The following ARHGAP44 variants were observed in gnomAD, a reference collection of about 807,000 sequenced individuals.
ARHGAP44 encodes the protein Rho GTPase activating protein 44.
Under a neutral mutation model 106.8 loss-of-function variants are expected in ARHGAP44, and 43 were observed. The ratio of observed to expected loss-of-function variants is 0.40; its 90% confidence interval spans 0.32 to 0.52. The LOEUF (loss-of-function observed/expected upper bound fraction) is 0.52, where lower values mean the gene tolerates loss of function less well. Ranked by LOEUF, ARHGAP44 falls within the 20% of genes least tolerant of loss-of-function variation. The probability of loss-of-function intolerance (pLI) is 0.48; values close to 1 mark genes in which losing one functional copy is unlikely to be tolerated. For synonymous variants in ARHGAP44, 439 were observed against 410.3 expected, an observed-to-expected ratio of 1.07 and a Z score of -0.85; for missense variants, 866 against 1,050.5, an observed-to-expected ratio of 0.82 and a Z score of 2.43.
intron 1 of ARHGAP44, among the ~76,000 whole-genome samples, chr17:12,861,962 G>T (rs141552907): frequency 6.6e-6 from 1 of 151,970 alleles, no homozygotes; most frequent in African/African-American, 2.4e-5. Context: ...AGGACCCATG[G>T]GTGACACTGG....
At chr17:12,918,256 A>G (rs1441331983) in intron 5 of ARHGAP44, among the ~76,000 whole-genome samples, 1 of 152,084 alleles carries the variant, frequency 6.6e-6, no homozygotes, top group Non-Finnish European at 1.5e-5. Context: ...GGACAGTTAC[A>G]CTTCTCCTTC....
intron 15 of ARHGAP44, 91 bp downstream of exon 15, chr17:12,956,837 C>T (rs974119086): frequency 2.8e-6 from 3 of 1,070,822 alleles, no homozygotes; most frequent in African/African-American, 3.2e-5. Flanking sequence ...TACCACTGCC[C>T]ACAGGCTTTT....
At chr17:12,967,619 G>C (rs1418138102) in intron 16 of ARHGAP44, among the ~76,000 whole-genome samples, 2 of 152,080 alleles carry the variant, frequency 1.3e-5, no homozygotes, top group Non-Finnish European at 2.9e-5. Context: ...AGGGGGCTTA[G>C]AAGTGAGCAG....
At chr17:12,849,405 A>G (rs1008842080) in intron 1 of ARHGAP44, among the ~76,000 whole-genome samples, 4 of 151,902 alleles carry the variant, frequency 2.6e-5, no homozygotes, top group Non-Finnish European at 5.9e-5. Context: ...TGGTATTTTG[A>G]ATGCTTGACA....
At chr17:12,846,336 A>G (rs991282060) in intron 1 of ARHGAP44, among the ~76,000 whole-genome samples, 10 of 152,184 alleles carry the variant, frequency 6.6e-5, no homozygotes, top group East Asian at 3.9e-4. Context: ...CCCCTGTGCC[A>G]TAGGCAGCCC....
At chr17:12,919,968 G>T in intron 6 of ARHGAP44, 137 bp downstream of exon 6, 1 of 661,312 alleles carries the variant, frequency 1.5e-6, no homozygotes, top group Non-Finnish European at 2.6e-6. Context: ...GGCACTGGAG[G>T]TAGTCACAGT....
chr17:12,915,745 G>T (rs940883461), intron 4 of ARHGAP44, among the ~76,000 whole-genome samples, 155 bp from the exon 5 acceptor site: 2 of 152,220 alleles, frequency 1.3e-5, no homozygotes, highest in African/African-American at 4.8e-5. Context: ...CAGAGAGCTG[G>T]AACAGGTTGG....
chr17:12,957,460 G>GGAT (rs1382449315), intron 15 of ARHGAP44, among the ~76,000 whole-genome samples: 1 of 152,170 alleles, frequency 6.6e-6, no homozygotes, highest in Non-Finnish European at 1.5e-5. Context: ...TTCCTGAGAT[G>GGAT]GATGGGGACT....
Position 12,956,739 on chromosome 17 carries a change from C to T in ARHGAP44, c.1335C>T (p.Phe445=). The T allele has an allele frequency of 6.2e-7, 1 of 1,613,988 alleles. No homozygotes were observed. Among genetic ancestry groups the T allele is most frequent in the Non-Finnish European group, 8.5e-7 (1 of 1,179,910 alleles). The part of the protein sequence containing the change: ...EPIIQHADWF[F]PGEIEFNITG... ...TCATCCAGCATGCAGACTGGTTCTT[C>T]CCTGGGGGTAGGTGACAGCACCTAG... The change falls in exon 15 of 21, where the codon TTC becomes TTT. Residue 445 remains phenylalanine (F), a synonymous_variant. Coordinates refer to ENST00000379672, the MANE Select transcript of ARHGAP44 (RefSeq NM_014859.6).
At chr17:12,924,691 C>G (rs2038183156) in intron 6 of ARHGAP44, among the ~76,000 whole-genome samples, 1 of 152,182 alleles carries the variant, frequency 6.6e-6, no homozygotes, top group Admixed American at 6.5e-5. Context: ...CCCTATTTCA[C>G]TAGGATTGGT....
chr17:12,818,335 G>GAA (rs376432420), intron 1 of ARHGAP44, among the ~76,000 whole-genome samples: 20,183 of 91,564 alleles, frequency 0.22, 1,866 homozygotes, highest in East Asian at 0.3. Context: ...ATCTGGAAAA[G>GAA]AAAAAAAAAA....
intron 1 of ARHGAP44, among the ~76,000 whole-genome samples, chr17:12,859,391 A>T (rs2150863241): frequency 6.6e-6 from 1 of 152,350 alleles, no homozygotes; most frequent in African/African-American, 2.4e-5. Context: ...TATGGCAGCC[A>T]TAGGGAACTA....
chr17:12,928,883 A>G (rs1468997265), intron 6 of ARHGAP44, 46 bp from the exon 7 acceptor site: 1 of 1,524,026 alleles, frequency 6.6e-7, no homozygotes, highest in Non-Finnish European at 9.0e-7. Context: ...TGGGATCCCC[A>G]GGGCTCTACC....
In ARHGAP44 at chr17:12,949,067, C is replaced by G; in HGVS notation, c.862-73C>G. On this transcript the variant is annotated intron_variant, in intron 10 of 20. Coordinates refer to ENST00000379672, the MANE Select transcript of ARHGAP44 (RefSeq NM_014859.6). The surrounding 1 kb of genome is among the most constrained non-coding windows in gnomAD (Gnocchi z 4.1). ...AGAGGTTTTGGAGAAAAGAAGCAGG[C>G]AGTTGCGGGGTCTCTGCGCTTTGAT... is the stretch of plus-strand genomic sequence containing the variant. 1 of 1,371,502 alleles carries G rather than the reference C, an allele frequency of 7.3e-7. No individual in the cohort carries two copies. The highest frequency in any genetic ancestry group is 1.4e-5 in the African/African-American group (1 of 69,678). 85.0% of individuals were successfully genotyped at this position (1,371,502 alleles called of 1,614,324 possible).
chr17:12,949,394 A>T lies in ARHGAP44; in HGVS notation c.973+143A>T. On this transcript the variant is annotated intron_variant, in intron 11 of 20. Coordinates refer to ENST00000379672, the MANE Select transcript of ARHGAP44 (RefSeq NM_014859.6). This position sits in a 1 kb window ranked among gnomAD's most constrained non-coding sequence, Gnocchi z 4.1. ...ATGTGTCCACTCAGTGCCCAGTTTCAGGGCTGGGTGCTCTGGCCCCTTGAA... is the reference window on the plus strand; with the variant it reads ...ATGTGTCCACTCAGTGCCCAGTTTCTGGGCTGGGTGCTCTGGCCCCTTGAA... 1 of 948,114 alleles carries T rather than the reference A, an allele frequency of 1.1e-6. No individual in the cohort carries two copies. Among genetic ancestry groups the T allele is most frequent in the Non-Finnish European group, 1.6e-6 (1 of 637,576 alleles). The allele number at this position is 948,114 out of a possible 1,614,324, so 58.7% of individuals were successfully genotyped here. A position where few individuals can be genotyped will look rare whatever the true frequency, so the allele number is the denominator to read the frequency against.
chr17:12,891,604 T>C (rs1244243705), intron 1 of ARHGAP44, among the ~76,000 whole-genome samples: 11 of 152,156 alleles, frequency 7.2e-5, no homozygotes, highest in African/African-American at 2.7e-4. Flanking sequence ...CACTGCTGCA[T>C]TGGAGATCAA....
chr17:12,918,563 A>C (rs989565289), intron 5 of ARHGAP44, among the ~76,000 whole-genome samples: 14 of 152,214 alleles, frequency 9.2e-5, no homozygotes, highest in African/African-American at 3.1e-4. Context: ...CTCGTAGCCG[A>C]GAAAAGCCAT....
intron 16 of ARHGAP44, among the ~76,000 whole-genome samples, chr17:12,961,603 G>A (rs375455114): frequency 3.9e-5 from 6 of 152,108 alleles, no homozygotes; most frequent in African/African-American, 7.2e-5. Flanking sequence ...GTATGATGGC[G>A]CATGCCTGTA....
intron 3 of ARHGAP44, among the ~76,000 whole-genome samples, chr17:12,908,023 T>A (rs2037609474): frequency 1.3e-5 from 2 of 151,886 alleles, no homozygotes; most frequent in African/African-American, 4.8e-5. Context: ...TAAAGTGAGG[T>A]CTTGATTGGG....
Sources: gnomAD v4.1 joint callset for allele counts (sites outside exome capture counted in the v4.1 genomes callset) on GRCh38, gnomAD v4.1.1 for gene constraint, Gnocchi (gnomAD v3.1) non-coding constraint, MANE v1.5 for transcripts, NCBI Gene and HGNC (gene_info 2026-07-23, HGNC 2026-07-21) for gene names.